RPL29: variants seen among roughly 807,000 people sequenced by gnomAD.
RPL29 encodes ribosomal protein L29, also known as large ribosomal subunit protein eL29.
RPL29 carries 4 observed loss-of-function variants against 7.2 expected under a neutral mutation model. The ratio of observed to expected loss-of-function variants is 0.55; its 90% CI spans 0.27 to 1.26. The LOEUF (loss-of-function observed/expected upper bound fraction) is 1.26, where lower values mean the gene tolerates loss of function less well. Ranked by LOEUF, RPL29 falls within the 50% of genes most tolerant of loss-of-function variation. RPL29 has a pLI of 0.11. For synonymous variants in RPL29, 73 were observed against 72.8 expected, an observed-to-expected ratio of 1.00 and a Z score of -0.01; for missense variants, 148 against 209.1, an observed-to-expected ratio of 0.71 and a Z score of 1.80.
intron 2 of RPL29, 118 bp downstream of exon 2, chr3:51,995,307 G>T: frequency 8.4e-7 from 1 of 1,189,644 alleles, no homozygotes; most frequent in Non-Finnish European, 1.2e-6. Flanking sequence ...AGTTATTACT[G>T]GGTGAAATCA....
Position 51,993,610 on chromosome 3 carries a change from T to TA in RPL29, c.*138dup. The stretch of plus-strand genomic sequence containing the variant: ...GCAACCAAACCCATCCCCAGGATCA[T>TA]AGACAGAGGCTAACAAATCCTGCCT... On this transcript the variant is annotated 3_prime_UTR_variant, in exon 4 of 4. Transcript: ENST00000294189. 2.2e-6 allele frequency: 2 copies of TA among 925,232 alleles called. No homozygotes were observed. The highest frequency in any genetic ancestry group is 3.3e-6 in the Non-Finnish European group (2 of 615,074). 57.3% of individuals were successfully genotyped at this position (925,232 alleles called of 1,614,324 possible).
rs773789440 is a variant in RPL29 at position 51,994,174 on chromosome 3, T to C, written c.103-48A>G. The C allele has an allele frequency of 1.0e-5, 16 of 1,544,112 alleles. No homozygotes were observed. In the African/African-American group the frequency reaches 1.8e-4, roughly 17 times the overall value. On this transcript the variant is annotated intron_variant, in intron 3 of 3. Coordinates refer to ENST00000294189, the MANE Select transcript of RPL29 (RefSeq NM_000992.3). ...GTGGCAGCATGTGGGTCCCCAAGTC[T>C]CTCCCTGCTGCCCCTCTCCATAGGG...
intron 3 of RPL29, 37 bp downstream of exon 3, chr3:51,995,005 C>T: frequency 1.3e-6 from 2 of 1,578,364 alleles, no homozygotes; most frequent in South Asian, 1.1e-5. Flanking sequence ...CACCTGGAAC[C>T]AAGAAAAGAC....
At chr3:51,995,138 A>G (rs1047723569) in intron 2 of RPL29, 32 bp from the exon 3 acceptor site, 17 of 1,584,426 alleles carry the variant, frequency 1.1e-5, no homozygotes, top group Admixed American at 5.2e-5. Flanking sequence ...TTAAGCCAAC[A>G]AAGAACTTTC....
chr3:51,995,050 G>A lies in RPL29; in HGVS notation c.94C>T (p.Leu32Phe), dbSNP rs375396108. 2 of 1,613,004 alleles carry A rather than the reference G, an allele frequency of 1.2e-6. No individual in the cohort carries two copies. Among genetic ancestry groups the A allele is most frequent in the African/African-American group, 1.3e-5 (1 of 74,912 alleles). Reference sequence around the variant, plus strand: ...TGATTCAGTGCACTCACCCCCTTAAGAGATTCGTATCTTTGTGATCGGGGT... The same window carrying A: ...TGATTCAGTGCACTCACCCCCTTAAAAGATTCGTATCTTTGTGATCGGGGT... Reference protein sequence around the residue: ...KKPRSQRYESLKGVDPKFLRN... With the variant: ...KKPRSQRYESFKGVDPKFLRN... The change falls in exon 3 of 4, where the codon CTT becomes TTT. Residue 32 changes from leucine to phenylalanine, a missense_variant. Leu to Phe is a conservative substitution (Grantham distance 22). Transcript: ENST00000294189.
chr3:51,994,315 GGGTAATGCTGTGC>G, intron 3 of RPL29, 189 bp from the exon 4 acceptor site: 1 of 682,710 alleles, frequency 1.5e-6, no homozygotes, highest in Non-Finnish European at 2.4e-6. Flanking sequence ...TACGCCACCT[GGGTAATGCTGTGC>G]AGACCTCCTT....
intron 1 of RPL29, 103 bp from the exon 2 acceptor site, chr3:51,995,572 G>A: frequency 9.0e-7 from 1 of 1,114,444 alleles, no homozygotes. Flanking sequence ...AGAATGTGCA[G>A]CCTCCACGAG....
In RPL29 at chr3:51,994,865, G is replaced by T. The variant is rs745833851; in HGVS notation, c.102+177C>A. 6.6e-6 allele frequency: 5 copies of T among 753,942 alleles called. No homozygotes were observed. The Admixed American group carries it at 9.3e-5, about 14-fold the overall frequency. The allele number at this position is 753,942 out of a possible 1,614,324, so 46.7% of individuals were successfully genotyped here. A position where few individuals can be genotyped will look rare whatever the true frequency, so the allele number is the denominator to read the frequency against. On this transcript the variant is annotated intron_variant, in intron 3 of 3. Transcript: ENST00000294189. ...AGAGGGTTACACTTCAGGCTGTGGA[G>T]ACCAAGGAAAGCTTTATTATGGGTC... is the stretch of plus-strand genomic sequence containing the variant.
At position 51,993,566 on chromosome 3, in the gene RPL29, T is replaced by C. The variant is rs1298414675; in HGVS notation, c.*183A>G. 1 of 639,068 alleles carries C rather than the reference T, an allele frequency of 1.6e-6. No homozygotes were observed. Among genetic ancestry groups the C allele is most frequent in the South Asian group, 2.1e-5 (1 of 46,758 alleles). 39.6% of individuals were successfully genotyped at this position (639,068 alleles called of 1,614,324 possible). A position where few individuals can be genotyped will look rare whatever the true frequency, so the allele number is the denominator to read the frequency against. On this transcript the variant is annotated 3_prime_UTR_variant, in exon 4 of 4. Coordinates refer to ENST00000294189, the MANE Select transcript of RPL29 (RefSeq NM_000992.3). Reference sequence around the variant, plus strand: ...CCCCACCATCCAGACCCATGTCTTCTCCCACACCAACAGATGGAGCAACCA... The same window carrying C: ...CCCCACCATCCAGACCCATGTCTTCCCCCACACCAACAGATGGAGCAACCA...
At chr3:51,995,565 A>G in intron 1 of RPL29, 96 bp from the exon 2 acceptor site, 1 of 1,193,586 alleles carries the variant, frequency 8.4e-7, no homozygotes, top group East Asian at 2.3e-5. Context: ...CAGGCAGAGA[A>G]TGTGCAGCCT....
In RPL29 at chr3:51,994,055, C is replaced by T. The variant is rs777774181; in HGVS notation, c.174G>A (p.Gln58=). The change falls in exon 4 of 4, where the codon CAG becomes CAA. Residue 58 remains glutamine, a synonymous_variant. Transcript: ENST00000294189. ...CACTCATGGCCTTGGCATTGTTGGC[C>T]TGCATCTTCTTTAGGCCCTTTTTGT... ...KHNKKGLKKM[Q]ANNAKAMSAR... 8 of 1,601,712 alleles carry T rather than the reference C, an allele frequency of 5.0e-6. No individual in the cohort carries two copies. Among genetic ancestry groups the T allele is most frequent in the South Asian group, 3.3e-5 (3 of 91,046 alleles).
At position 51,993,677 on chromosome 3, in the gene RPL29, A is replaced by G. The variant is rs548606670; in HGVS notation, c.*72T>C. ...AATAGCACAGGAGGACCCCAGCCCC[A>G]TGCAGATGGTAGCCCAGGGGCGGGG... is the stretch of plus-strand genomic sequence containing the variant. On this transcript the variant is annotated 3_prime_UTR_variant, in exon 4 of 4. Transcript: ENST00000294189. 3.4e-5 allele frequency: 49 copies of G among 1,437,548 alleles called. No homozygotes were observed. In the South Asian group the frequency reaches 5.8e-4, roughly 17 times the overall value. The allele number at this position is 1,437,548 out of a possible 1,614,324, so 89.0% of individuals were successfully genotyped here.
chr3:51,995,469 C>A lies in RPL29; in HGVS notation c.-8G>T, dbSNP rs374257546. 13 of 1,613,838 alleles carry A rather than the reference C, an allele frequency of 8.1e-6. No individual in the cohort carries two copies. The African/African-American group carries it at 1.3e-4, about 17-fold the overall frequency. ...GTTCTTGGACTTGGCCATGTCTGCA[C>A]CTGGAAGACAAAAGTGGAGATCAGG... On this transcript the variant is annotated splice_region_variant and 5_prime_UTR_variant, in exon 2 of 4. Transcript: ENST00000294189.
At position 51,993,698 on chromosome 3, in the gene RPL29, C is replaced by T. The variant is rs200374033; in HGVS notation, c.*51G>A. 2.5e-5 allele frequency: 38 copies of T among 1,510,696 alleles called. No individual in the cohort carries two copies. Among genetic ancestry groups the T allele is most frequent in the East Asian group, 1.1e-4 (5 of 44,140 alleles). The allele number at this position is 1,510,696 out of a possible 1,614,324, so 93.6% of individuals were successfully genotyped here. ...CCCCATGCAGATGGTAGCCCAGGGGCGGGGGTGGGGGGTCGCACCAGTCCT... is the reference window on the plus strand; with the variant it reads ...CCCCATGCAGATGGTAGCCCAGGGGTGGGGGTGGGGGGTCGCACCAGTCCT... On this transcript the variant is annotated 3_prime_UTR_variant, in exon 4 of 4. Coordinates refer to ENST00000294189, the MANE Select transcript of RPL29 (RefSeq NM_000992.3).
At position 51,993,801 on chromosome 3, in the gene RPL29, A is replaced by G; in HGVS notation, c.428T>C (p.Val143Ala). 1 of 1,596,136 alleles carries G rather than the reference A, an allele frequency of 6.3e-7. No individual in the cohort carries two copies. Among genetic ancestry groups the G allele is most frequent in the Non-Finnish European group, 8.5e-7 (1 of 1,179,562 alleles). ...GGTACGTTTGGGAGCCTGAGCTGGA[A>G]CTGAAGCTGGGGCTGCAGCCTGGGC... ...TKAQAAAPASVPAQAPKRTQA... is the reference protein window; with the variant it reads ...TKAQAAAPASAPAQAPKRTQA... The change falls in exon 4 of 4, where the codon GTT (valine) becomes GCT (alanine). Residue 143 changes from valine (V) to alanine (A), a missense_variant. Physicochemically the swap from Val to Ala is moderately conservative, Grantham distance 64. Transcript: ENST00000294189.
chr3:51,993,628 T>A lies in RPL29; in HGVS notation c.*121A>T. ...AGGATCATAGACAGAGGCTAACAAA[T>A]CCTGCCTCAGGTTTATTTGTACAAA... is the stretch of plus-strand genomic sequence containing the variant. On this transcript the variant is annotated 3_prime_UTR_variant, in exon 4 of 4. Coordinates refer to ENST00000294189, the MANE Select transcript of RPL29 (RefSeq NM_000992.3). 1 of 1,077,276 alleles carries A rather than the reference T, an allele frequency of 9.3e-7. No individual in the cohort carries two copies. The highest frequency in any genetic ancestry group is 1.3e-6 in the Non-Finnish European group (1 of 750,342). 66.7% of individuals were successfully genotyped at this position (1,077,276 alleles called of 1,614,324 possible).
At chr3:51,994,265 C>G (rs1230409402) in intron 3 of RPL29, 139 bp from the exon 4 acceptor site, 1 of 1,157,886 alleles carries the variant, frequency 8.6e-7, no homozygotes, top group Admixed American at 2.9e-5. Context: ...CCTCTTGAAA[C>G]TATTTCCAGA....
Position 51,993,726 on chromosome 3 carries a change from T to C in RPL29, c.*23A>G. On this transcript the variant is annotated 3_prime_UTR_variant, in exon 4 of 4. Coordinates refer to ENST00000294189, the MANE Select transcript of RPL29 (RefSeq NM_000992.3). ...GGGTGGGGGGTCGCACCAGTCCTTC[T>C]GTCCTCATGTTGGCAGAGATATCTA... 1 of 1,560,160 alleles carries C rather than the reference T, an allele frequency of 6.4e-7. No homozygotes were observed. Among genetic ancestry groups the C allele is most frequent in the African/African-American group, 1.4e-5 (1 of 73,946 alleles).
At chr3:51,994,772 C>T (rs906466733) in intron 3 of RPL29, 104 of 699,274 alleles carry the variant, frequency 1.5e-4, no homozygotes, top group South Asian at 1.4e-3. Context: ...CCACTCCTTA[C>T]CCTAAGTGCC....
Sources: allele counts gnomAD v4.1 joint callset, GRCh38; gene constraint gnomAD v4.1.1; transcripts MANE v1.5; gene names NCBI Gene and HGNC (gene_info 2026-07-23, HGNC 2026-07-21).